TENM4: variants seen among roughly 807,000 people sequenced by gnomAD.
The protein encoded by TENM4 is teneurin transmembrane protein 4.
TENM4 carries 82 observed loss-of-function variants against 243.3 expected under a neutral mutation model. That is an observed-to-expected ratio of 0.34 (90% confidence interval 0.28 to 0.40). The LOEUF (loss-of-function observed/expected upper bound fraction) is 0.40. Ranked by LOEUF, TENM4 falls within the 10% of genes least tolerant of loss-of-function variation. The probability of loss-of-function intolerance (pLI) is 1.00; values close to 1 mark genes in which losing one functional copy is unlikely to be tolerated. For missense variants in TENM4, 3,138 were observed against 3,673.3 expected (o/e 0.85, Z 3.77); for synonymous variants, 1,412 against 1,456.3 (o/e 0.97, Z 0.69).
chr11:79,322,669 G>C (rs1003539159), intron 1 of TENM4, among the ~76,000 whole-genome samples: 3 of 152,164 alleles, frequency 2.0e-5, no homozygotes, highest in Non-Finnish European at 4.4e-5. Context: ...AGACAAGCAG[G>C]TAATCAAAAT....
At chr11:78,889,154 C>T (rs767423776) in intron 9 of TENM4, among the ~76,000 whole-genome samples, 13 of 152,168 alleles carry the variant, frequency 8.5e-5, no homozygotes, top group Non-Finnish European at 1.6e-4. Flanking sequence ...AGCACTGCTC[C>T]GTGTCTGTGC....
chr11:78,712,633 C>T lies in TENM4; in HGVS notation c.3903G>A (p.Arg1301=). ...AVFLSDSNSR[R]VFKIKSTVVV... ...CCACAGTGGACTTGATTTTAAAGAC[C>T]CGCCGGCTGTTGCTGTCAGAAAGGA... Residue 1301 remains arginine (R), a synonymous_variant, in exon 26 of 34, where the codon CGG becomes CGA. Transcript: ENST00000278550. The T allele has an allele frequency of 6.2e-7, 1 of 1,613,986 alleles. No homozygotes were observed. The highest frequency in any genetic ancestry group is 8.5e-7 in the Non-Finnish European group (1 of 1,179,906).
Position 78,701,641 on chromosome 11 carries a change from T to C in TENM4, c.4972A>G (p.Ser1658Gly). The C allele has an allele frequency of 6.2e-7, 1 of 1,613,958 alleles. No homozygotes were observed. Among genetic ancestry groups the C allele is most frequent in the Non-Finnish European group, 8.5e-7 (1 of 1,179,850 alleles). Residue 1658 changes from serine (S) to glycine (G), a missense_variant, in exon 28 of 34, where the codon AGT becomes GGT. Ser to Gly is a moderately conservative substitution (Grantham distance 56). Around this residue, in one of 2 missense-constraint regions of TENM4, gnomAD observed 2,467 missense variants for 3,059.1 expected, o/e 0.81. Coordinates refer to ENST00000278550, the MANE Select transcript of TENM4 (RefSeq NM_001098816.3). ...QVYWVTMGTN[S>G]ALKSVTTQGH... Reference sequence around the variant, plus strand: ...TGTGTGGTCACACTCTTGAGTGCACTGTTGGTGCCCATGGTCACCCAGTAC... The same window carrying C: ...TGTGTGGTCACACTCTTGAGTGCACCGTTGGTGCCCATGGTCACCCAGTAC...
chr11:79,366,500 G>A (rs994074805), intron 1 of TENM4, among the ~76,000 whole-genome samples: 3 of 152,238 alleles, frequency 2.0e-5, no homozygotes, highest in African/African-American at 7.2e-5. Context: ...CTGTGGATTA[G>A]GGGATGTCCT....
intron 19 of TENM4, 114 bp from the exon 20 acceptor site, chr11:78,738,684 G>T: frequency 1.9e-6 from 2 of 1,051,652 alleles, no homozygotes; most frequent in Non-Finnish European, 2.7e-6. Flanking sequence ...GACACATCTT[G>T]TACCCAGGGG....
intron 9 of TENM4, 21 bp from the exon 10 acceptor site, chr11:78,863,153 A>C: frequency 6.8e-7 from 1 of 1,471,458 alleles, no homozygotes; most frequent in Non-Finnish European, 9.1e-7. Flanking sequence ...CAATGAGAAA[A>C]GTCATCTTTT....
At chr11:79,435,228 CT>C (rs56245121) in intron 1 of TENM4, among the ~76,000 whole-genome samples, 12,210 of 151,960 alleles carry the variant, frequency 0.08, 542 homozygotes, top group East Asian at 0.11. Flanking sequence ...AGAATAAAGA[CT>C]GTAAAAGAAA....
At chr11:78,907,726 CG>C (rs947159526) in intron 6 of TENM4, among the ~76,000 whole-genome samples, 1 of 152,160 alleles carries the variant, frequency 6.6e-6, no homozygotes. Context: ...TACAGAATGT[CG>C]GGGAAAGAAC....
intron 18 of TENM4, among the ~76,000 whole-genome samples, chr11:78,761,730 A>G (rs1409545524): frequency 6.6e-6 from 1 of 151,954 alleles, no homozygotes; most frequent in Non-Finnish European, 1.5e-5. Context: ...ATGGCAGAGA[A>G]ATGCCTCCAT....
chr11:79,194,995 G>C (rs1046401446), intron 3 of TENM4, among the ~76,000 whole-genome samples: 1 of 152,152 alleles, frequency 6.6e-6, no homozygotes, highest in Admixed American at 6.5e-5. Flanking sequence ...TAGGGACTTG[G>C]TGCCCTGTGT....
At chr11:78,835,358 T>C (rs1286674422) in intron 12 of TENM4, among the ~76,000 whole-genome samples, 3 of 152,060 alleles carry the variant, frequency 2.0e-5, no homozygotes, top group Non-Finnish European at 2.9e-5. Context: ...ATACAAAAAT[T>C]AGCTGGGCAT....
Position 79,295,896 on chromosome 11 carries a change from A to AACACACACACACACAC in TENM4, c.-265+1576_-265+1591dup, listed in dbSNP as rs199711050. 7.9e-4 allele frequency among the ~76,000 whole-genome samples: 104 copies of AACACACACACACACAC among 130,916 alleles called. 1 individual carries two copies. Among genetic ancestry groups the AACACACACACACACAC allele is most frequent in the African/African-American group, 2.0e-3 (68 of 33,746 alleles). 85.9% of individuals were successfully genotyped at this position (130,916 alleles called of 152,430 possible). On this transcript the variant is annotated intron_variant, in intron 2 of 33. Transcript: ENST00000278550. Reference sequence around the variant, plus strand: ...AATAAGAATTGCCTCCCAGGGATTAAACACACACACACACACACACACACA... The same window carrying AACACACACACACACAC: ...AATAAGAATTGCCTCCCAGGGATTAAACACACACACACACACACACACACACACACACACACACACA...
rs552975034 is a variant in TENM4 at position 79,039,080 on chromosome 11, T to C, written c.493+25658A>G. On this transcript the variant is annotated intron_variant, in intron 6 of 33. Transcript: ENST00000278550. ...TTGTGTTGGAGCATTCTAAAGAGAA[T>C]GCAGAAAGTTCTCTTGGAACTTGGG... Among the ~76,000 whole-genome samples, 4 of 152,304 alleles carry C rather than the reference T, an allele frequency of 2.6e-5. No homozygotes were observed. In the East Asian group the frequency reaches 7.7e-4, roughly 29 times the overall value.
At chr11:78,686,809 G>C in intron 29 of TENM4, among the ~76,000 whole-genome samples, 1 of 152,222 alleles carries the variant, frequency 6.6e-6, no homozygotes, top group Admixed American at 6.5e-5. Flanking sequence ...GGTGAAGAAG[G>C]AATTCCAGCG....
intron 16 of TENM4, 83 bp from the exon 17 acceptor site, chr11:78,778,711 A>G (rs1856785944): frequency 1.5e-6 from 2 of 1,316,966 alleles, no homozygotes; most frequent in East Asian, 4.7e-5. Context: ...CAGATGCTAC[A>G]CAGACAAAGG....
intron 3 of TENM4, among the ~76,000 whole-genome samples, chr11:79,166,358 C>T (rs771665940): frequency 2.0e-5 from 3 of 152,192 alleles, no homozygotes; most frequent in Non-Finnish European, 2.9e-5. Context: ...AGGCTTTCAT[C>T]AGCAAATTCA....
chr11:78,893,212 G>A (rs925775313), intron 7 of TENM4, among the ~76,000 whole-genome samples: 3 of 152,216 alleles, frequency 2.0e-5, no homozygotes, highest in Non-Finnish European at 4.4e-5. Context: ...CCCTCAGAGT[G>A]GCTCTATTTC....
chr11:79,060,221 C>A (rs933380846), intron 6 of TENM4, among the ~76,000 whole-genome samples: 1 of 152,244 alleles, frequency 6.6e-6, no homozygotes, highest in Non-Finnish European at 1.5e-5. Flanking sequence ...TGGCCTCTCA[C>A]GGCAGGGGAG....
chr11:78,863,960 GAAGT>G (rs1299549317), intron 9 of TENM4, among the ~76,000 whole-genome samples: 1 of 152,168 alleles, frequency 6.6e-6, no homozygotes, highest in African/African-American at 2.4e-5. Flanking sequence ...GCAAGAAAAT[GAAGT>G]AATATCCACA....
Sources: allele counts gnomAD v4.1 joint callset (sites outside exome capture counted in the v4.1 genomes callset), GRCh38; gene constraint gnomAD v4.1.1; regional missense constraint gnomAD v4.1.1; transcripts MANE v1.5; gene names NCBI Gene and HGNC (gene_info 2026-07-23, HGNC 2026-07-21).